Variants in GNB1L observed in about 807,000 individuals in gnomAD.
GNB1L encodes guanine nucleotide-binding protein subunit beta-like protein 1.
GNB1L carries 20 observed loss-of-function variants against 29.1 expected under a neutral mutation model. The ratio of observed to expected loss-of-function variants is 0.69; its 90% CI spans 0.48 to 1.00. The LOEUF is 1.00. GNB1L is among the 50% of genes least tolerant of loss of function. GNB1L has a pLI of 0.00. For synonymous variants in GNB1L, 193 were observed against 206.5 expected, an observed-to-expected ratio of 0.93 and a Z score of 0.56; for missense variants, 421 against 464.9, an observed-to-expected ratio of 0.91 and a Z score of 0.87.
At chr22:19,846,570 C>A in intron 2 of GNB1L, 3 of 985,316 alleles carry the variant, frequency 3.0e-6, no homozygotes, top group Non-Finnish European at 3.6e-6. Flanking sequence ...ATCGCGGGCA[C>A]CGCTGTGGGC....
intron 6 of GNB1L, among the ~76,000 whole-genome samples, chr22:19,805,987 T>C (rs1437386113): frequency 6.6e-6 from 1 of 152,086 alleles, no homozygotes; most frequent in Admixed American, 6.5e-5. Flanking sequence ...CTTGAGCCAG[T>C]GCTGGCCTGA....
intron 2 of GNB1L, among the ~76,000 whole-genome samples, chr22:19,835,546 C>T (rs776907270): frequency 1.4e-4 from 22 of 152,008 alleles, no homozygotes; most frequent in Admixed American, 2.0e-4. Flanking sequence ...TAGTAGCGCA[C>T]GCCTGTAGTC....
intron 2 of GNB1L, among the ~76,000 whole-genome samples, chr22:19,832,916 C>T (rs1937703697): frequency 6.6e-6 from 1 of 152,188 alleles, no homozygotes; most frequent in African/African-American, 2.4e-5. Flanking sequence ...AGGCTGAGCC[C>T]TGGGTGGCTG....
At chr22:19,833,877 C>CAAT (rs1296750582) in intron 2 of GNB1L, among the ~76,000 whole-genome samples, 26 of 148,946 alleles carry the variant, frequency 1.7e-4, no homozygotes, top group Non-Finnish European at 1.6e-4. Flanking sequence ...AAGAGAAAAA[C>CAAT]AATAATAATA....
At chr22:19,802,866 A>C (rs759808333) in intron 6 of GNB1L, among the ~76,000 whole-genome samples, 1 of 152,238 alleles carries the variant, frequency 6.6e-6, no homozygotes, top group Non-Finnish European at 1.5e-5. Flanking sequence ...CCCTGGGCAG[A>C]CACCTCGTTT....
chr22:19,849,154 T>C, intron 2 of GNB1L: 1 of 985,414 alleles, frequency 1.0e-6, no homozygotes, highest in Non-Finnish European at 1.2e-6. Flanking sequence ...GGGTTTCTTC[T>C]GCCAGCTCAC....
chr22:19,790,664 G>A (rs1937243497), intron 7 of GNB1L, among the ~76,000 whole-genome samples: 1 of 151,934 alleles, frequency 6.6e-6, no homozygotes, highest in Non-Finnish European at 1.5e-5. Context: ...GCAACAGAGT[G>A]AGACCCTGTC....
chr22:19,796,503 A>C (rs1205223789), intron 7 of GNB1L, among the ~76,000 whole-genome samples: 1 of 152,248 alleles, frequency 6.6e-6, no homozygotes, highest in African/African-American at 2.4e-5. Context: ...TTCCCAGACC[A>C]CAATGTTAAT....
chr22:19,833,822 T>C (rs1389934175), intron 2 of GNB1L, among the ~76,000 whole-genome samples: 1 of 151,712 alleles, frequency 6.6e-6, no homozygotes. Context: ...GCCGATATCA[T>C]ACCACGGCAC....
At chr22:19,796,422 T>C (rs921952895) in intron 7 of GNB1L, among the ~76,000 whole-genome samples, 1 of 152,216 alleles carries the variant, frequency 6.6e-6, no homozygotes, top group African/African-American at 2.4e-5. Flanking sequence ...ACTGCCTCCC[T>C]GGCACATGTG....
chr22:19,804,940 G>A lies in GNB1L; in HGVS notation c.516+1719C>T, dbSNP rs142973957. ...GGACACCCTTCCCCAGGACCTGGAT[G>A]CCCTGCCCACTGCCTGCGGGGTTGC... is the stretch of plus-strand genomic sequence containing the variant. On this transcript the variant is annotated intron_variant, in intron 6 of 7. Coordinates refer to ENST00000329517, the MANE Select transcript of GNB1L (RefSeq NM_053004.3). Among the ~76,000 whole-genome samples the A allele has an allele frequency of 3.2e-3, 490 of 152,356 alleles. 1 individual carries two copies. The highest frequency in any genetic ancestry group is 0.011 in the African/African-American group (460 of 41,580).
At chr22:19,811,828 C>T (rs1937504188) in intron 5 of GNB1L, among the ~76,000 whole-genome samples, 1 of 152,126 alleles carries the variant, frequency 6.6e-6, no homozygotes, top group Non-Finnish European at 1.5e-5. Flanking sequence ...GTCAGCCCTC[C>T]CCAGGCCTCC....
chr22:19,850,169 C>T, intron 2 of GNB1L: 1 of 985,668 alleles, frequency 1.0e-6, no homozygotes, highest in Non-Finnish European at 1.2e-6. Flanking sequence ...TGCTCATGGC[C>T]AGGCCTCTGC....
rs1229420109 is a variant in GNB1L at position 19,783,545 on chromosome 22, C to T, written c.*5164G>A. The T allele has an allele frequency of 1.1e-5, 2 of 185,824 alleles. No individual in the cohort carries two copies. Among genetic ancestry groups the T allele is most frequent in the Non-Finnish European group, 2.3e-5 (2 of 88,154 alleles). 11.5% of individuals were successfully genotyped at this position (185,824 alleles called of 1,614,324 possible). A position where few individuals can be genotyped will look rare whatever the true frequency, so the allele number is the denominator to read the frequency against. On this transcript the variant is annotated 3_prime_UTR_variant, in exon 8 of 8. Transcript: ENST00000329517. ...AGCCTGGGTGACAGAGTGAGACCCC[C>T]ACTGTCCCTGGTCTCTTAAAAGAAA...
chr22:19,819,579 T>C (rs1937561783), intron 4 of GNB1L, among the ~76,000 whole-genome samples: 1 of 152,116 alleles, frequency 6.6e-6, no homozygotes, highest in African/African-American at 2.4e-5. Flanking sequence ...GGTCACACTG[T>C]CTCGGGATGG....
At chr22:19,849,355 G>A (rs1938038557) in intron 2 of GNB1L, 2 of 950,702 alleles carry the variant, frequency 2.1e-6, no homozygotes, top group South Asian at 4.9e-5. Flanking sequence ...TTCTAAATAA[G>A]GTTTTTGTTT....
rs767357362 is a variant in GNB1L, at chr22:19,788,714, C to T, written c.979G>A (p.Ala327Thr). Residue 327 changes from alanine to threonine, a missense_variant, in exon 8 of 8, where the codon GCA (alanine) becomes ACA (threonine). Ala to Thr is a moderately conservative substitution (Grantham distance 58). Transcript: ENST00000329517. ...CCGGGAAGGGAGTGGGTGAGTCATGCGCGTGGGTAGAGTGACCAGAGGCTG... is the reference window on the plus strand; with the variant it reads ...CCGGGAAGGGAGTGGGTGAGTCATGTGCGTGGGTAGAGTGACCAGAGGCTG... ...RISLWSLYPR[A>T] 10 of 1,611,222 alleles carry T rather than the reference C, an allele frequency of 6.2e-6. No individual in the cohort carries two copies. The South Asian group carries it at 8.8e-5, about 14-fold the overall frequency.
At chr22:19,827,055 T>C (rs1244835917) in intron 2 of GNB1L, among the ~76,000 whole-genome samples, 1 of 151,806 alleles carries the variant, frequency 6.6e-6, no homozygotes, top group Non-Finnish European at 1.5e-5. Context: ...GATCAGATCC[T>C]GGATCAAAAA....
At chr22:19,792,217 AC>A in intron 7 of GNB1L, 1 of 606,056 alleles carries the variant, frequency 1.7e-6, no homozygotes, top group South Asian at 2.0e-5. Flanking sequence ...GAGATGTTGA[AC>A]ATATCAGATA....
Sources: allele counts gnomAD v4.1 joint callset (sites outside exome capture counted in the v4.1 genomes callset), GRCh38; gene constraint gnomAD v4.1.1; transcripts MANE v1.5; gene names NCBI Gene and HGNC (gene_info 2026-07-23, HGNC 2026-07-21).